SLC35F1: variants seen among roughly 807,000 people sequenced by gnomAD.
SLC35F1 encodes the protein chromosome 6 open reading frame 169.
SLC35F1 carries 14 observed loss-of-function variants against 48.7 expected under a neutral mutation model. The ratio of observed to expected loss-of-function variants is 0.29; its 90% confidence interval spans 0.19 to 0.45. SLC35F1 has a LOEUF of 0.45. SLC35F1 is among the 20% of genes least tolerant of loss of function. SLC35F1 has a pLI of 1.00. For synonymous variants in SLC35F1, 190 were observed against 202.2 expected (o/e 0.94, Z 0.51); for missense variants, 404 against 500.0 (o/e 0.81, Z 1.83).
intron 1 of SLC35F1, among the ~76,000 whole-genome samples, chr6:118,044,424 A>G (rs953634334): frequency 6.6e-6 from 1 of 152,014 alleles, no homozygotes; most frequent in Non-Finnish European, 1.5e-5. Flanking sequence ...GGCATCTGTT[A>G]TATCTGCATG....
intron 1 of SLC35F1, among the ~76,000 whole-genome samples, chr6:118,044,381 T>A (rs535528551): frequency 3.0e-4 from 46 of 152,186 alleles, no homozygotes; most frequent in Non-Finnish European, 6.0e-4. Flanking sequence ...GTTAAGTAAT[T>A]TTTTTCCTCT....
chr6:118,065,880 T>A (rs1234203003), intron 1 of SLC35F1, among the ~76,000 whole-genome samples: 2 of 152,244 alleles, frequency 1.3e-5, no homozygotes, highest in Non-Finnish European at 2.9e-5. Flanking sequence ...CCCTTGCATA[T>A]GATTTTATAA....
chr6:118,178,926 T>C (rs1407657128), intron 2 of SLC35F1, among the ~76,000 whole-genome samples: 1 of 152,108 alleles, frequency 6.6e-6, no homozygotes, highest in African/African-American at 2.4e-5. Flanking sequence ...AACAGAAAGA[T>C]TATGTCCACG....
At chr6:117,925,100 A>T (rs1026831103) in intron 1 of SLC35F1, among the ~76,000 whole-genome samples, 3 of 152,168 alleles carry the variant, frequency 2.0e-5, no homozygotes, top group African/African-American at 7.2e-5. Context: ...TCTATCATTG[A>T]CATTTGAGAT....
chr6:117,934,438 A>G (rs1776139467), intron 1 of SLC35F1, among the ~76,000 whole-genome samples: 1 of 152,186 alleles, frequency 6.6e-6, no homozygotes, highest in South Asian at 2.1e-4. Context: ...ATTATTAAGG[A>G]TATATTTTTA....
intron 1 of SLC35F1, among the ~76,000 whole-genome samples, chr6:118,013,505 T>A (rs941111514): frequency 6.6e-6 from 1 of 152,236 alleles, no homozygotes; most frequent in Middle Eastern, 3.2e-3. Flanking sequence ...TAAATTTATA[T>A]AAATTATTTT....
At chr6:117,941,363 T>C (rs1214252196) in intron 1 of SLC35F1, among the ~76,000 whole-genome samples, 1 of 152,218 alleles carries the variant, frequency 6.6e-6, no homozygotes, top group African/African-American at 2.4e-5. Flanking sequence ...CCACATTGTG[T>C]ACATTCATGG....
chr6:117,964,342 G>C (rs556351513), intron 1 of SLC35F1, among the ~76,000 whole-genome samples: 1 of 152,172 alleles, frequency 6.6e-6, no homozygotes, highest in Non-Finnish European at 1.5e-5. Flanking sequence ...CATTTAGCCA[G>C]TCCAGTTTAA....
chr6:118,225,104 A>G (rs1274106818), intron 2 of SLC35F1, among the ~76,000 whole-genome samples: 1 of 152,206 alleles, frequency 6.6e-6, no homozygotes, highest in Non-Finnish European at 1.5e-5. Flanking sequence ...TATCACCCAA[A>G]GCAAATTATA....
At chr6:117,915,794 A>G (rs536010774) in intron 1 of SLC35F1, among the ~76,000 whole-genome samples, 5 of 152,308 alleles carry the variant, frequency 3.3e-5, no homozygotes, top group Admixed American at 2.6e-4. Flanking sequence ...GGAAAAGACC[A>G]GAGTTTGGGG....
chr6:118,290,938 G>A (rs1253144499), intron 7 of SLC35F1, among the ~76,000 whole-genome samples: 1 of 151,972 alleles, frequency 6.6e-6, no homozygotes, highest in Non-Finnish European at 1.5e-5. Flanking sequence ...GGGACTACAG[G>A]CACTCGCCAC....
chr6:117,916,325 T>C (rs1409118138), intron 1 of SLC35F1, among the ~76,000 whole-genome samples: 6 of 152,256 alleles, frequency 3.9e-5, no homozygotes, highest in Non-Finnish European at 8.8e-5. Flanking sequence ...ACAAAAGTAT[T>C]GTCTTCTATG....
chr6:117,930,671 C>T (rs1018686922), intron 1 of SLC35F1, among the ~76,000 whole-genome samples: 1 of 152,046 alleles, frequency 6.6e-6, no homozygotes, highest in Non-Finnish European at 1.5e-5. Context: ...CAGACTGCCT[C>T]GAAATATGAC....
intron 6 of SLC35F1, 102 bp from the exon 7 acceptor site, chr6:118,285,082 G>C (rs1384797044): frequency 8.2e-7 from 1 of 1,222,560 alleles, no homozygotes; most frequent in Non-Finnish European, 1.2e-6. Flanking sequence ...TGCCTTGTGT[G>C]AGTGACAAGT....
chr6:117,998,769 C>G (rs1777039868), intron 1 of SLC35F1, among the ~76,000 whole-genome samples: 1 of 152,180 alleles, frequency 6.6e-6, no homozygotes, highest in Non-Finnish European at 1.5e-5. Flanking sequence ...GGGACACATT[C>G]AAAGCAGTGT....
chr6:118,027,020 C>CA (rs1771963066), intron 1 of SLC35F1, among the ~76,000 whole-genome samples: 1 of 152,126 alleles, frequency 6.6e-6, no homozygotes. Flanking sequence ...TGGGTTCTGT[C>CA]TTTGTCTTTT....
At chr6:117,986,681 G>A (rs150604774) in intron 1 of SLC35F1, among the ~76,000 whole-genome samples, 329 of 152,242 alleles carry the variant, frequency 2.2e-3, no homozygotes, top group African/African-American at 7.5e-3. Flanking sequence ...TCCACTAGTG[G>A]GAAATTGTTA....
rs1562238825 is a variant in SLC35F1, at chr6:117,923,702, T to TATGTGTAC, written c.173+15805_173+15806insGTGTACAT. ...ACATATATACATATGTACATATACA[T>TATGTGTAC]ATATGTACATATATACATATATACA... is the stretch of plus-strand genomic sequence containing the variant. On this transcript the variant is annotated intron_variant, in intron 1 of 7. Coordinates refer to ENST00000360388, the MANE Select transcript of SLC35F1 (RefSeq NM_001029858.4). Among the ~76,000 whole-genome samples, 4 of 17,466 alleles carry TATGTGTAC rather than the reference T, an allele frequency of 2.3e-4. 1 individual carries two copies. Among genetic ancestry groups the TATGTGTAC allele is most frequent in the East Asian group, 1.9e-3 (1 of 540 alleles). 11.5% of individuals were successfully genotyped at this position (17,466 alleles called of 152,430 possible).
chr6:118,095,093 C>T (rs763334163), intron 1 of SLC35F1, among the ~76,000 whole-genome samples: 1 of 152,176 alleles, frequency 6.6e-6, no homozygotes, highest in Admixed American at 6.5e-5. Context: ...GATTGTGCCA[C>T]TGCACTCTAG....
Sources: allele counts gnomAD v4.1 joint callset (sites outside exome capture counted in the v4.1 genomes callset), GRCh38; gene constraint gnomAD v4.1.1; transcripts MANE v1.5; gene names NCBI Gene and HGNC (gene_info 2026-07-23, HGNC 2026-07-21).